Variants in ZNF831 observed in about 807,000 individuals in gnomAD.
ZNF831 encodes zinc finger protein 831.
A neutral mutation model predicts 95.8 loss-of-function variants in ZNF831; 59 were observed. The ratio of observed to expected loss-of-function variants is 0.62; its 90% CI spans 0.50 to 0.77. The LOEUF (loss-of-function observed/expected upper bound fraction) is 0.77, where lower values mean the gene tolerates loss of function less well. Among genes scored for constraint, ZNF831 ranks in the 30% least tolerant of loss-of-function variants. ZNF831 has a pLI of 0.00. For synonymous variants in ZNF831, 961 were observed against 925.5 expected (o/e 1.04, Z -0.70); for missense variants, 2,205 against 2,164.0 (o/e 1.02, Z -0.38).
intron 4 of ZNF831, among the ~76,000 whole-genome samples, chr20:59,235,333 G>A (rs1220211344): frequency 7.2e-5 from 11 of 152,154 alleles, no homozygotes; most frequent in Admixed American, 5.9e-4. Flanking sequence ...CAGGGGTTCT[G>A]CTTTTCTCTG....
At chr20:59,161,285 T>G (rs7267433), upstream of ZNF831, among the ~76,000 whole-genome samples, 24 of 150,854 alleles carry the variant, frequency 1.6e-4, no homozygotes, top group African/African-American at 4.9e-4. Context: ...TGTTTTTTTT[T>G]GTTTTTTTTT....
chr20:59,251,930 G>A lies in ZNF831; in HGVS notation c.4028-1048G>A, dbSNP rs557123196. Among the ~76,000 whole-genome samples, 15 of 152,222 alleles carry A rather than the reference G, an allele frequency of 9.9e-5. No homozygotes were observed. The South Asian group carries it at 1.0e-3, about 11-fold the overall frequency. ...ATACTAATATAAACATGGAATATTC[G>A]CCTAAATGAAAACAGGCCATAGGGG... is the stretch of plus-strand genomic sequence containing the variant. On this transcript the variant is annotated intron_variant, in intron 4 of 5. Transcript: ENST00000371030.
chr20:59,220,502 C>T (rs1568778132), intron 4 of ZNF831, among the ~76,000 whole-genome samples: 1 of 152,198 alleles, frequency 6.6e-6, no homozygotes, highest in Non-Finnish European at 1.5e-5. Flanking sequence ...CCTTCAGTGA[C>T]ACTGACTCAT....
At chr20:59,204,438 G>A (rs1028728728) in intron 3 of ZNF831, among the ~76,000 whole-genome samples, 1 of 152,162 alleles carries the variant, frequency 6.6e-6, no homozygotes, top group Non-Finnish European at 1.5e-5. Context: ...TGTCACGTTG[G>A]CCACAGCCCC....
chr20:59,195,423 T>G (rs1383737005), intron 2 of ZNF831, among the ~76,000 whole-genome samples: 1 of 152,180 alleles, frequency 6.6e-6, no homozygotes, highest in Non-Finnish European at 1.5e-5. Context: ...TTAACCTTTG[T>G]GGACAGTGAC....
At chr20:59,161,771 G>C (rs1980883635), upstream of ZNF831, among the ~76,000 whole-genome samples, 1 of 152,188 alleles carries the variant, frequency 6.6e-6, no homozygotes, top group Non-Finnish European at 1.5e-5. Flanking sequence ...CCTTTGGGTA[G>C]ATACCCAGTA....
upstream of ZNF831, among the ~76,000 whole-genome samples, chr20:59,159,461 C>T (rs1042499696): frequency 1.3e-5 from 2 of 152,122 alleles, no homozygotes. Flanking sequence ...ATAAAAACAT[C>T]GCTGAGGTGG....
chr20:59,193,678 T>C lies in ZNF831; in HGVS notation c.2659T>C (p.Leu887=), dbSNP rs2146587542. 3.1e-6 allele frequency: 5 copies of C among 1,613,014 alleles called. No homozygotes were observed. The highest frequency in any genetic ancestry group is 4.2e-6 in the Non-Finnish European group (5 of 1,179,764). ...GEPLESSGAS[L]AAASVALKRV... ...GCCTCTGGAGTCCTCTGGAGCCTCCTTGGCTGCTGCTTCTGTTGCCCTGAA... is the reference window on the plus strand; with the variant it reads ...GCCTCTGGAGTCCTCTGGAGCCTCCCTGGCTGCTGCTTCTGTTGCCCTGAA... The change falls in exon 2 of 6, where the codon TTG becomes CTG. Residue 887 remains leucine (L), a synonymous_variant. Coordinates refer to ENST00000371030, the MANE Select transcript of ZNF831 (RefSeq NM_178457.3).
At position 59,249,006 on chromosome 20, in the gene ZNF831, CCAT is replaced by C. The variant is rs557862614; in HGVS notation, c.4028-3967_4028-3965del. Among the ~76,000 whole-genome samples the C allele has an allele frequency of 1.7e-4, 26 of 152,346 alleles. No individual in the cohort carries two copies. In the East Asian group the frequency reaches 4.6e-3, roughly 27 times the overall value. On this transcript the variant is annotated intron_variant, in intron 4 of 5. Transcript: ENST00000371030. ...ATCTGAGTCCTTGTTGACTTCCCCACCATCATCTTGCCCCTGCCCCTGCATTCA... is the reference window on the plus strand; with the variant it reads ...ATCTGAGTCCTTGTTGACTTCCCCACCATCTTGCCCCTGCCCCTGCATTCA...
intron 4 of ZNF831, among the ~76,000 whole-genome samples, chr20:59,210,557 C>T (rs1442849260): frequency 6.6e-6 from 1 of 152,222 alleles, no homozygotes; most frequent in Admixed American, 6.5e-5. Flanking sequence ...GAAGTTGGCA[C>T]CCCTGCCTCA....
chr20:59,153,144 T>C (rs1017189108), intron 2 of ZNF831, among the ~76,000 whole-genome samples: 1 of 152,210 alleles, frequency 6.6e-6, no homozygotes, highest in African/African-American at 2.4e-5. Context: ...CTTTCCCACC[T>C]GAGCAGTGTC....
At chr20:59,205,735 A>G (rs1395943846) in intron 3 of ZNF831, among the ~76,000 whole-genome samples, 1 of 152,186 alleles carries the variant, frequency 6.6e-6, no homozygotes, top group Admixed American at 6.5e-5. Context: ...GGAAGGGATT[A>G]CTTGTGGCTT....
chr20:59,166,395 C>T (rs972276031), intron 1 of ZNF831, among the ~76,000 whole-genome samples: 1 of 152,174 alleles, frequency 6.6e-6, no homozygotes, highest in East Asian at 1.9e-4. Flanking sequence ...TGCAGATTCA[C>T]CTGCAGTTGT....
chr20:59,156,242 A>T (rs1980531972), intron 2 of ZNF831, among the ~76,000 whole-genome samples: 1 of 152,168 alleles, frequency 6.6e-6, no homozygotes, highest in South Asian at 2.1e-4. Context: ...AGAAAATTTT[A>T]AGTACGTGGG....
intron 3 of ZNF831, among the ~76,000 whole-genome samples, chr20:59,202,598 G>C (rs1984612110): frequency 6.6e-6 from 1 of 152,170 alleles, no homozygotes; most frequent in South Asian, 2.1e-4. Context: ...CCCCGGGCAG[G>C]TGGTGGGGTA....
chr20:59,135,730 C>A lies in ZNF831; in HGVS notation c.-1424-10501C>A, dbSNP rs527683788. Among the ~76,000 whole-genome samples, 110 of 150,542 alleles carry A rather than the reference C, an allele frequency of 7.3e-4. 1 individual carries two copies. The East Asian group carries it at 0.02, about 27-fold the overall frequency. On this transcript the variant is annotated intron_variant, in intron 1 of 7. Transcript: ENST00000637017. ...TGGGTGACAGAGCGAGACTCCATCT[C>A]AAAAAAAAATAATAATAATAATCCA...
Position 59,194,562 on chromosome 20 carries a change from G to A in ZNF831, c.3543G>A (p.Pro1181=), listed in dbSNP as rs369792471. 2.3e-5 allele frequency: 37 copies of A among 1,606,484 alleles called. No homozygotes were observed. In the Middle Eastern group the frequency reaches 6.6e-4, roughly 29 times the overall value. The part of the protein sequence containing the change: ...QNPFPSLKAE[P]RLTWCCLSRS... ...CCTTTCCCTCACTGAAGGCTGAGCCGCGGCTCACGTGGTGTTGCCTGAGCC... is the reference window on the plus strand; with the variant it reads ...CCTTTCCCTCACTGAAGGCTGAGCCACGGCTCACGTGGTGTTGCCTGAGCC... The change falls in exon 2 of 6, where the codon CCG becomes CCA. Residue 1181 remains proline (P), a synonymous_variant. Coordinates refer to ENST00000371030, the MANE Select transcript of ZNF831 (RefSeq NM_178457.3).
At chr20:59,168,070 C>T (rs1017567822) in intron 1 of ZNF831, among the ~76,000 whole-genome samples, 3 of 152,008 alleles carry the variant, frequency 2.0e-5, no homozygotes, top group Admixed American at 2.0e-4. Context: ...TGAGTTATTC[C>T]AGTTCTTTTG....
At chr20:59,247,572 C>G (rs1024691748) in intron 4 of ZNF831, among the ~76,000 whole-genome samples, 1 of 152,180 alleles carries the variant, frequency 6.6e-6, no homozygotes, top group African/African-American at 2.4e-5. Flanking sequence ...ATCTGCCCAG[C>G]TTTCTATAAG....
Sources: allele counts gnomAD v4.1 joint callset (sites outside exome capture counted in the v4.1 genomes callset), GRCh38; gene constraint gnomAD v4.1.1; transcripts MANE v1.5; gene names NCBI Gene and HGNC (gene_info 2026-07-23, HGNC 2026-07-21).